The following DNAH9 variants were observed in gnomAD, a reference collection of about 807,000 sequenced individuals.
DNAH9 encodes the protein DNAH9 variant protein.
In DNAH9, 345 loss-of-function variants were observed where a neutral mutation model predicts 471.6. That is an observed-to-expected ratio of 0.73 (90% CI 0.67 to 0.80). DNAH9 has a LOEUF of 0.80. Among genes scored for constraint, DNAH9 ranks in the 30% least tolerant of loss-of-function variants. DNAH9 has a pLI of 0.00. For synonymous variants in DNAH9, 2,093 were observed against 2,123.6 expected, an observed-to-expected ratio of 0.99 and a Z score of 0.40; for missense variants, 5,407 against 5,609.2, an observed-to-expected ratio of 0.96 and a Z score of 1.15.
chr17:11,969,099 T>C (rs967710718), intron 68 of DNAH9, among the ~76,000 whole-genome samples: 4 of 152,204 alleles, frequency 2.6e-5, no homozygotes, highest in African/African-American at 7.2e-5. Context: ...TCACCTGATT[T>C]AGGCAGAGAA....
At chr17:11,824,936 T>G (rs1970439308) in intron 48 of DNAH9, among the ~76,000 whole-genome samples, 2 of 151,928 alleles carry the variant, frequency 1.3e-5, no homozygotes, top group East Asian at 3.9e-4. Flanking sequence ...CTCCTTCTTC[T>G]TTTTCCATGC....
At chr17:11,934,246 A>G (rs1371796963) in intron 65 of DNAH9, among the ~76,000 whole-genome samples, 175 bp downstream of exon 65, 3 of 152,094 alleles carry the variant, frequency 2.0e-5, no homozygotes, top group African/African-American at 4.8e-5. Flanking sequence ...ATCTGGTCCT[A>G]TGCCCCAAGC....
intron 50 of DNAH9, among the ~76,000 whole-genome samples, chr17:11,865,177 T>C (rs1971999224): frequency 6.6e-6 from 1 of 152,196 alleles, no homozygotes; most frequent in African/African-American, 2.4e-5. Flanking sequence ...TTCCTTTCCA[T>C]GTTTAGTGCT....
intron 6 of DNAH9, among the ~76,000 whole-genome samples, chr17:11,627,286 C>G (rs1350033413): frequency 6.6e-6 from 1 of 152,202 alleles, no homozygotes; most frequent in African/African-American, 2.4e-5. Context: ...AATTGAAGAT[C>G]AAACACCTTC....
At chr17:11,862,983 T>A (rs1971914865) in intron 50 of DNAH9, among the ~76,000 whole-genome samples, 1 of 152,058 alleles carries the variant, frequency 6.6e-6, no homozygotes, top group African/African-American at 2.4e-5. Context: ...CAATTTGACT[T>A]CCTCTTTTCC....
At chr17:11,811,245 G>A (rs1265600155) in intron 45 of DNAH9, among the ~76,000 whole-genome samples, 3 of 152,028 alleles carry the variant, frequency 2.0e-5, no homozygotes, top group South Asian at 2.1e-4. Flanking sequence ...CCTGGAAGGC[G>A]GAGGTTGCAG....
chr17:11,961,950 A>T lies in DNAH9; in HGVS notation c.12927A>T (p.Arg4309=). The T allele has an allele frequency of 6.2e-7, 1 of 1,614,180 alleles. No homozygotes were observed. Among genetic ancestry groups the T allele is most frequent in the Non-Finnish European group, 8.5e-7 (1 of 1,180,036 alleles). The part of the protein sequence containing the change: ...FDMVPESWAR[R]AYPSTAGLAA... Reference sequence around the variant, plus strand: ...TGGTGCCAGAGTCCTGGGCTAGACGAGCCTACCCTTCCACAGCAGGCCTGG... The same window carrying T: ...TGGTGCCAGAGTCCTGGGCTAGACGTGCCTACCCTTCCACAGCAGGCCTGG... The change falls in exon 68 of 69, where the codon CGA becomes CGT. Residue 4309 remains arginine (R), a synonymous_variant. Transcript: ENST00000262442.
chr17:11,640,962 G>A (rs1392478028), intron 10 of DNAH9, among the ~76,000 whole-genome samples: 1 of 152,154 alleles, frequency 6.6e-6, no homozygotes, highest in Non-Finnish European at 1.5e-5. Flanking sequence ...AGCTGAGATA[G>A]AAGCAACTCA....
chr17:11,920,566 A>G (rs1974105600), intron 61 of DNAH9, among the ~76,000 whole-genome samples: 1 of 150,008 alleles, frequency 6.7e-6, no homozygotes, highest in Non-Finnish European at 1.5e-5. Context: ...GGTTGCAGTG[A>G]GCTGAGATTG....
Position 11,652,919 on chromosome 17 carries a change from T to C in DNAH9, c.2512T>C (p.Ser838Pro), listed in dbSNP as rs769372480. The change falls in exon 14 of 69, where the codon TCT (serine) becomes CCT (proline). Residue 838 changes from serine (S) to proline (P), a missense_variant. Around this residue, in one of 3 missense-constraint regions of DNAH9, gnomAD observed 4,636 missense variants for 4,900.3 expected, o/e 0.95. Transcript: ENST00000262442. ...TKDGKRESLL[S>P]LDDRHDRMEK... ...AGATGGAAAAAGGGAATCCCTTCTT[T>C]CTCTGGATGATCGGCATGATCGAAT... 5 of 1,613,932 alleles carry C rather than the reference T, an allele frequency of 3.1e-6. No homozygotes were observed. Among genetic ancestry groups the C allele is most frequent in the Non-Finnish European group, 4.2e-6 (5 of 1,179,928 alleles).
chr17:11,880,270 G>T, intron 54 of DNAH9, 70 bp downstream of exon 54: 4 of 1,572,186 alleles, frequency 2.5e-6, no homozygotes, highest in Non-Finnish European at 3.5e-6. Flanking sequence ...ATCATGAAGA[G>T]GTCTGCTCTT....
chr17:11,962,184 G>C lies in DNAH9; in HGVS notation c.13161G>C (p.Glu4387Asp), dbSNP rs532090018. 1.9e-6 allele frequency: 3 copies of C among 1,614,066 alleles called. No individual in the cohort carries two copies. Among genetic ancestry groups the C allele is most frequent in the East Asian group, 2.2e-5 (1 of 44,892 alleles). The change falls in exon 68 of 69, where the codon GAG becomes GAC. Residue 4387 changes from glutamate to aspartate, a missense_variant. By Grantham distance (45) the Glu-to-Asp change is conservative (BLOSUM62 2). This residue lies in a region of DNAH9 where 4,636 missense variants were observed against 4,900.3 expected (regional missense o/e 0.95). Transcript: ENST00000262442. The surrounding 1 kb of genome is among the most constrained non-coding windows in gnomAD (Gnocchi z 4.1). ...QCDMTKKNRE[E>D]FRSPPREGAY... ...ACATGACGAAGAAGAACAGAGAAGA[G>C]TTTAGGAGTCCTCCTCGGGAAGGGG...
chr17:11,853,499 T>C (rs1308868506), intron 49 of DNAH9, among the ~76,000 whole-genome samples: 5 of 152,158 alleles, frequency 3.3e-5, no homozygotes. Flanking sequence ...CTTGTTTCTG[T>C]CTGAATTATT....
intron 2 of DNAH9, 112 bp downstream of exon 2, chr17:11,608,437 G>T (rs985141282): frequency 2.4e-6 from 2 of 832,522 alleles, no homozygotes; most frequent in East Asian, 2.5e-5. Context: ...TCCTCGTTCT[G>T]CACACAAGCC....
chr17:11,619,243 G>C (rs1441618025), intron 5 of DNAH9, among the ~76,000 whole-genome samples: 1 of 151,720 alleles, frequency 6.6e-6, no homozygotes, highest in Non-Finnish European at 1.5e-5. Flanking sequence ...AAGCCAATAA[G>C]TCACAAAAGA....
intron 12 of DNAH9, among the ~76,000 whole-genome samples, chr17:11,647,664 G>A (rs1432704799): frequency 6.6e-6 from 1 of 152,136 alleles, no homozygotes; most frequent in Non-Finnish European, 1.5e-5. Flanking sequence ...ATGCTGGAGG[G>A]CCAACCAAGT....
chr17:11,778,769 G>A (rs369439074), intron 38 of DNAH9, among the ~76,000 whole-genome samples: 1 of 152,118 alleles, frequency 6.6e-6, no homozygotes, highest in East Asian at 1.9e-4. Context: ...CACTTTGGGA[G>A]GCTGAGGTGG....
At chr17:11,793,384 T>C in intron 41 of DNAH9, 119 bp from the exon 42 acceptor site, 2 of 902,870 alleles carry the variant, frequency 2.2e-6, no homozygotes, top group Non-Finnish European at 3.3e-6. Context: ...ATGATCTGTT[T>C]AGCAAGACAA....
rs1021358737 is a variant in DNAH9 at position 11,784,298 on chromosome 17, A to T, written c.7822-2A>T. 2 of 1,614,118 alleles carry T rather than the reference A, an allele frequency of 1.2e-6. No individual in the cohort carries two copies. Among genetic ancestry groups the T allele is most frequent in the Non-Finnish European group, 1.7e-6 (2 of 1,179,974 alleles). ...GAGCTCATGCCTTTGTTTCCTGTAC[A>T]GCGTCACTTCAGCGTGTTTGTCCTC... On this transcript the variant is annotated splice_acceptor_variant, in intron 40 of 68. Transcript: ENST00000262442. LOFTEE classifies it high-confidence loss of function.
Sources: gnomAD v4.1 joint callset for allele counts (sites outside exome capture counted in the v4.1 genomes callset) on GRCh38, gnomAD v4.1.1 for gene constraint, gnomAD v4.1.1 regional missense constraint, Gnocchi (gnomAD v3.1) non-coding constraint, MANE v1.5 for transcripts, NCBI Gene and HGNC (gene_info 2026-07-23, HGNC 2026-07-21) for gene names.